Variants in GABRA4 observed in about 807,000 individuals in gnomAD.
The protein encoded by GABRA4 is gamma-aminobutyric acid type A receptor subunit alpha4, also known as gamma-aminobutyric acid receptor subunit alpha-4.
Under a neutral mutation model 49.7 loss-of-function variants are expected in GABRA4, and 12 were observed. The ratio of observed to expected loss-of-function variants is 0.24; its 90% confidence interval spans 0.15 to 0.39. The LOEUF is 0.39. Ranked by LOEUF, GABRA4 falls within the 10% of genes least tolerant of loss-of-function variation. The pLI, the probability that GABRA4 is intolerant of heterozygous loss-of-function variation, is 1.00. For missense variants in GABRA4, 506 were observed against 686.0 expected, an observed-to-expected ratio of 0.74 and a Z score of 2.93; for synonymous variants, 288 against 240.2, an observed-to-expected ratio of 1.20 and a Z score of -1.84.
chr4:46,928,882 T>A, intron 8 of GABRA4, 127 bp from the exon 9 acceptor site: 4 of 626,926 alleles, frequency 6.4e-6, no homozygotes, highest in Non-Finnish European at 8.0e-6. Flanking sequence ...TAAGCTGTAG[T>A]CATCTTGATT....
At chr4:46,966,794 A>G (rs574381982) in intron 7 of GABRA4, among the ~76,000 whole-genome samples, 12 of 151,812 alleles carry the variant, frequency 7.9e-5, no homozygotes, top group Non-Finnish European at 7.4e-5. Flanking sequence ...AGAGAAAGAA[A>G]CTTGAGAATT....
intron 8 of GABRA4, among the ~76,000 whole-genome samples, chr4:46,956,000 G>A (rs976056044): frequency 1.3e-5 from 2 of 152,032 alleles, no homozygotes; most frequent in African/African-American, 4.8e-5. Context: ...CTAATGCTTA[G>A]CATATCATTT....
At chr4:46,982,241 C>T (rs1723381001) in intron 2 of GABRA4, among the ~76,000 whole-genome samples, 1 of 151,958 alleles carries the variant, frequency 6.6e-6, no homozygotes, top group Non-Finnish European at 1.5e-5. Context: ...ATGATGAAGT[C>T]CTAATTCTTG....
intron 1 of GABRA4, among the ~76,000 whole-genome samples, 186 bp from the exon 2 acceptor site, chr4:46,993,132 C>G (rs1335706105): frequency 6.6e-6 from 1 of 152,164 alleles, no homozygotes; most frequent in South Asian, 2.1e-4. Flanking sequence ...CGCAAGACCC[C>G]CAGTGCCCAC....
chr4:46,920,956 G>T lies in GABRA4; in HGVS notation c.*7269C>A, dbSNP rs369106713. On this transcript the variant is annotated 3_prime_UTR_variant, in exon 9 of 9. Transcript: ENST00000264318. ...AAATACATTTGTGTAATTCTTTTTT[G>T]CAGGTTAGTATTTTCAATTAAATTA... 7.9e-5 allele frequency: 12 copies of T among 151,576 alleles called. No homozygotes were observed. Among genetic ancestry groups the T allele is most frequent in the South Asian group, 2.1e-4 (1 of 4,828 alleles). 9.4% of individuals were successfully genotyped at this position (151,576 alleles called of 1,614,324 possible).
chr4:46,954,644 G>T (rs750819900), intron 8 of GABRA4, among the ~76,000 whole-genome samples: 6 of 151,680 alleles, frequency 4.0e-5, no homozygotes, highest in Admixed American at 6.6e-5. Flanking sequence ...TTTTTAATTA[G>T]ATGTGAATTT....
At chr4:46,988,781 A>T (rs1474501861) in intron 2 of GABRA4, among the ~76,000 whole-genome samples, 1 of 152,222 alleles carries the variant, frequency 6.6e-6, no homozygotes, top group Non-Finnish European at 1.5e-5. Flanking sequence ...GACTCTTGAT[A>T]AACAGGGCAA....
At chr4:46,964,852 T>C (rs1325664396) in intron 8 of GABRA4, 118 bp downstream of exon 8, 2 of 1,124,048 alleles carry the variant, frequency 1.8e-6, no homozygotes, top group East Asian at 5.0e-5. Context: ...TTTTTCTGTA[T>C]TTTTAAATGA....
rs760312927 is a variant in GABRA4 at position 46,924,531 on chromosome 4, G to C, written c.*3694C>G. On this transcript the variant is annotated 3_prime_UTR_variant, in exon 9 of 9. Coordinates refer to ENST00000264318, the MANE Select transcript of GABRA4 (RefSeq NM_000809.4). Reference sequence around the variant, plus strand: ...TCAGCACAGTACCCAAACTGGGCAGGAGCCCATTTAGTGAATAAAAGCCCA... The same window carrying C: ...TCAGCACAGTACCCAAACTGGGCAGCAGCCCATTTAGTGAATAAAAGCCCA... 1 of 152,022 alleles carries C rather than the reference G, an allele frequency of 6.6e-6. No individual in the cohort carries two copies. The highest frequency in any genetic ancestry group is 2.4e-5 in the African/African-American group (1 of 41,412). 9.4% of individuals were successfully genotyped at this position (152,022 alleles called of 1,614,324 possible). A position where few individuals can be genotyped will look rare whatever the true frequency, so the allele number is the denominator to read the frequency against.
At chr4:46,949,151 G>A (rs953978285) in intron 8 of GABRA4, among the ~76,000 whole-genome samples, 2 of 152,078 alleles carry the variant, frequency 1.3e-5, no homozygotes, top group Non-Finnish European at 2.9e-5. Flanking sequence ...CTAAAACTGT[G>A]AGTAGCTAGG....
intron 8 of GABRA4, among the ~76,000 whole-genome samples, chr4:46,958,199 T>G (rs1449692455): frequency 6.6e-6 from 1 of 151,946 alleles, no homozygotes; most frequent in Non-Finnish European, 1.5e-5. Flanking sequence ...TGTGTTATAT[T>G]GAATATATCA....
rs1320900298 is a variant in GABRA4 at position 46,992,655 on chromosome 4, C to A, written c.205+173G>T. 8.3e-6 allele frequency: 5 copies of A among 605,260 alleles called. No individual in the cohort carries two copies. In the Admixed American group the frequency reaches 1.4e-4, roughly 17 times the overall value. 37.5% of individuals were successfully genotyped at this position (605,260 alleles called of 1,614,324 possible). A position where few individuals can be genotyped will look rare whatever the true frequency, so the allele number is the denominator to read the frequency against. On this transcript the variant is annotated intron_variant, in intron 2 of 8. Transcript: ENST00000264318. Reference sequence around the variant, plus strand: ...GAGGGGGCAGGGAGATGGGAAAGTACGGGTGGAGGCGGTCTTCTTGTCATA... The same window carrying A: ...GAGGGGGCAGGGAGATGGGAAAGTAAGGGTGGAGGCGGTCTTCTTGTCATA...
At position 46,993,421 on chromosome 4, in the gene GABRA4, C is replaced by G; in HGVS notation, c.4G>C (p.Val2Leu). The change falls in exon 1 of 9, where the codon GTT becomes CTT. Residue 2 changes from valine to leucine, a missense_variant. Around this residue, in one of 5 missense-constraint regions of GABRA4, gnomAD observed 195 missense variants for 326.0 expected, o/e 0.60. Transcript: ENST00000264318. ...ATCGCGGGTACCTTCTTGGCAGAAA[C>G]CATCTTTGCAACATGCCATACTTCA... The part of the protein sequence containing the change: M[V>L]SAKKVPAIAL... 1 of 1,614,206 alleles carries G rather than the reference C, an allele frequency of 6.2e-7. No individual in the cohort carries two copies. The highest frequency in any genetic ancestry group is 8.5e-7 in the Non-Finnish European group (1 of 1,180,024).
At chr4:46,972,885 T>G (rs1232220796) in intron 6 of GABRA4, among the ~76,000 whole-genome samples, 3 of 151,702 alleles carry the variant, frequency 2.0e-5, no homozygotes, top group Non-Finnish European at 2.9e-5. Context: ...AAAAAAAACT[T>G]TGTTACCTCA....
intron 8 of GABRA4, among the ~76,000 whole-genome samples, chr4:46,958,585 CAAAT>C (rs1722446048): frequency 6.6e-6 from 1 of 151,852 alleles, no homozygotes; most frequent in Admixed American, 6.6e-5. Context: ...AGACTCAACT[CAAAT>C]AAGAACAGGG....
chr4:46,940,805 G>A (rs1257800550), intron 8 of GABRA4, among the ~76,000 whole-genome samples: 1 of 151,996 alleles, frequency 6.6e-6, no homozygotes, highest in African/African-American at 2.4e-5. Context: ...GTCCTGAAGA[G>A]TAAGCTCTAA....
In GABRA4 at chr4:46,927,977, T is replaced by A; in HGVS notation, c.*248A>T. On this transcript the variant is annotated 3_prime_UTR_variant, in exon 9 of 9. Transcript: ENST00000264318. ...TAGCTCTATTTCTCTTATCCCAACT[T>A]TCCAGGATGGTGTGTATTCTATCTA... The A allele has an allele frequency of 3.1e-6, 1 of 326,602 alleles. No individual in the cohort carries two copies. 20.2% of individuals were successfully genotyped at this position (326,602 alleles called of 1,614,324 possible). A position where few individuals can be genotyped will look rare whatever the true frequency, so the allele number is the denominator to read the frequency against.
intron 8 of GABRA4, among the ~76,000 whole-genome samples, chr4:46,949,666 A>C (rs1722098069): frequency 6.6e-6 from 1 of 152,122 alleles, no homozygotes; most frequent in Non-Finnish European, 1.5e-5. Flanking sequence ...ACTTCTTTGA[A>C]ACATTTGTAG....
chr4:46,970,035 A>G (rs1287626927), intron 7 of GABRA4, among the ~76,000 whole-genome samples: 2 of 151,118 alleles, frequency 1.3e-5, no homozygotes, highest in African/African-American at 4.9e-5. Context: ...TCATACTCCA[A>G]CACCTTCTTA....
Sources: allele counts gnomAD v4.1 joint callset (sites outside exome capture counted in the v4.1 genomes callset), GRCh38; gene constraint gnomAD v4.1.1; regional missense constraint gnomAD v4.1.1; transcripts MANE v1.5; gene names NCBI Gene and HGNC (gene_info 2026-07-23, HGNC 2026-07-21).